CLIP2: variants seen among roughly 807,000 people sequenced by gnomAD.
CLIP2 encodes CAP-Gly domain containing linker protein 2, also known as CAP-Gly domain-containing linker protein 2.
CLIP2 carries 41 observed loss-of-function variants against 111.7 expected under a neutral mutation model. The ratio of observed to expected loss-of-function variants is 0.37; its 90% confidence interval spans 0.29 to 0.48. The LOEUF is 0.48. Ranked by LOEUF, CLIP2 falls within the 20% of genes least tolerant of loss-of-function variation. The pLI is 0.99. For synonymous variants in CLIP2, 660 were observed against 644.2 expected (o/e 1.02, Z -0.37); for missense variants, 1,160 against 1,422.1 (o/e 0.82, Z 2.96).
chr7:74,349,164 A>G (rs555343694), intron 3 of CLIP2, among the ~76,000 whole-genome samples: 6 of 141,130 alleles, frequency 4.3e-5, no homozygotes, highest in East Asian at 2.2e-4. Context: ...CGGGCATGGT[A>G]GCTTACGCCT....
At chr7:74,313,623 C>G (rs1319171588) in intron 1 of CLIP2, among the ~76,000 whole-genome samples, 1 of 152,032 alleles carries the variant, frequency 6.6e-6, no homozygotes, top group Non-Finnish European at 1.5e-5. Context: ...CTAGGCCCTC[C>G]TCGGGACTCA....
intron 2 of CLIP2, among the ~76,000 whole-genome samples, chr7:74,331,214 A>G (rs1650479915): frequency 6.7e-6 from 1 of 148,688 alleles, no homozygotes; most frequent in African/African-American, 2.5e-5. Flanking sequence ...TCAAAAAAAA[A>G]AAAAAAAAAA....
rs1308781583 is a variant in CLIP2 at position 74,338,249 on chromosome 7, C to G, written c.122-199C>G. Among the ~76,000 whole-genome samples the G allele has an allele frequency of 6.6e-6, 1 of 152,096 alleles. No homozygotes were observed. Among genetic ancestry groups the G allele is most frequent in the East Asian group, 1.9e-4 (1 of 5,172 alleles). On this transcript the variant is annotated intron_variant, in intron 2 of 16. Coordinates refer to ENST00000223398, the MANE Select transcript of CLIP2 (RefSeq NM_003388.5). This position sits in a 1 kb window ranked among gnomAD's most constrained non-coding sequence, Gnocchi z 4.3. ...GGGTGTGGTGCCTCACGCCTGTAAT[C>G]CCAGCAATTTGGGAAGCCAAGGCGG...
At chr7:74,308,607 C>T (rs976657073) in intron 1 of CLIP2, among the ~76,000 whole-genome samples, 1 of 151,974 alleles carries the variant, frequency 6.6e-6, no homozygotes, top group Admixed American at 6.6e-5. Context: ...CGGGTTCAAG[C>T]GATTCTCCTG....
At chr7:74,359,423 G>C (rs566066069) in intron 6 of CLIP2, among the ~76,000 whole-genome samples, 1 of 142,538 alleles carries the variant, frequency 7.0e-6, no homozygotes, top group Admixed American at 7.4e-5. Context: ...GTGTGATCTT[G>C]GCTCACTGCA....
chr7:74,304,795 A>G (rs1475378459), intron 1 of CLIP2, among the ~76,000 whole-genome samples: 5 of 151,866 alleles, frequency 3.3e-5, no homozygotes, highest in African/African-American at 1.2e-4. Context: ...CTTTACATAA[A>G]TTAGCCGGAT....
chr7:74,304,434 G>A (rs576388784), intron 1 of CLIP2, among the ~76,000 whole-genome samples: 2 of 151,944 alleles, frequency 1.3e-5, no homozygotes, highest in Non-Finnish European at 2.9e-5. Context: ...GCTGAGGCCG[G>A]AGAATGGTTT....
chr7:74,294,857 A>C (rs1054025084), intron 1 of CLIP2, among the ~76,000 whole-genome samples: 5 of 152,226 alleles, frequency 3.3e-5, no homozygotes, highest in African/African-American at 1.2e-4. Context: ...TTGGCTGGGC[A>C]ACGGCTGCAT....
At chr7:74,319,010 G>A (rs1156752181) in intron 2 of CLIP2, among the ~76,000 whole-genome samples, 1 of 152,200 alleles carries the variant, frequency 6.6e-6, no homozygotes, top group Non-Finnish European at 1.5e-5. Flanking sequence ...GCTGCAGGGT[G>A]AGGCCCGTCG....
chr7:74,290,322 G>A (rs1554725217), intron 1 of CLIP2, among the ~76,000 whole-genome samples: 1 of 152,252 alleles, frequency 6.6e-6, no homozygotes, highest in African/African-American at 2.4e-5. Context: ...AGGAGATTGA[G>A]GCGGGCGGCT....
chr7:74,365,257 C>T (rs1554310606), intron 8 of CLIP2, among the ~76,000 whole-genome samples: 1 of 152,000 alleles, frequency 6.6e-6, no homozygotes, highest in African/African-American at 2.4e-5. Flanking sequence ...GGAACAGAGA[C>T]CCCCCTGTGC....
In CLIP2 at chr7:74,376,170, A is replaced by G. The variant is rs1261396761; in HGVS notation, c.1769A>G (p.Gln590Arg). Residue 590 changes from glutamine to arginine, a missense_variant, in exon 10 of 17, where the codon CAG (glutamine) becomes CGG (arginine). Around this residue, in one of 5 missense-constraint regions of CLIP2, gnomAD observed 676 missense variants for 777.8 expected, o/e 0.87. Transcript: ENST00000223398. The surrounding 1 kb of genome is among the most constrained non-coding windows in gnomAD (Gnocchi z 7.1). ...CGCGCGGCCAACGAGAAGTACGCAC[A>G]GGAGGTGGCGGGCCTGAAGGACAAG... ...KLRAANEKYA[Q>R]EVAGLKDKVQ... 9 of 1,611,796 alleles carry G rather than the reference A, an allele frequency of 5.6e-6. No homozygotes were observed. Among genetic ancestry groups the G allele is most frequent in the Non-Finnish European group, 7.6e-6 (9 of 1,178,998 alleles).
intron 2 of CLIP2, among the ~76,000 whole-genome samples, chr7:74,325,757 G>A (rs963135825): frequency 1.3e-5 from 2 of 151,856 alleles, no homozygotes; most frequent in African/African-American, 4.8e-5. Flanking sequence ...GCTTGAACCC[G>A]GGAGGTTGAG....
At chr7:74,310,764 T>G (rs1167808422) in intron 1 of CLIP2, among the ~76,000 whole-genome samples, 1 of 151,706 alleles carries the variant, frequency 6.6e-6, no homozygotes, top group Non-Finnish European at 1.5e-5. Context: ...CAGGCTAGAG[T>G]GCAGTGGCAC....
At chr7:74,323,537 C>T (rs1330810715) in intron 2 of CLIP2, among the ~76,000 whole-genome samples, 1 of 151,778 alleles carries the variant, frequency 6.6e-6, no homozygotes, top group Non-Finnish European at 1.5e-5. Flanking sequence ...AAGCAATTCT[C>T]CTGCCTCAGC....
chr7:74,360,120 G>A, intron 6 of CLIP2, 55 bp from the exon 7 acceptor site: 1 of 1,448,000 alleles, frequency 6.9e-7, no homozygotes, highest in East Asian at 2.5e-5. Flanking sequence ...CCACCAACCT[G>A]GACCCCATAC....
chr7:74,307,373 C>T (rs1031434339), intron 1 of CLIP2, among the ~76,000 whole-genome samples: 9 of 152,194 alleles, frequency 5.9e-5, no homozygotes, highest in African/African-American at 2.2e-4. Context: ...ACTTTGAGTC[C>T]CCGAACTTCT....
chr7:74,377,250 A>G (rs1790818543), intron 10 of CLIP2, among the ~76,000 whole-genome samples: 1 of 152,174 alleles, frequency 6.6e-6, no homozygotes, highest in East Asian at 1.9e-4. Context: ...CCAACTTAGA[A>G]GCTCACCTGG....
chr7:74,297,221 C>T (rs1788195410), intron 1 of CLIP2, among the ~76,000 whole-genome samples: 1 of 152,178 alleles, frequency 6.6e-6, no homozygotes, highest in South Asian at 2.1e-4. Context: ...ACCTGTAATC[C>T]TAGCACTTTG....
Sources: gnomAD v4.1 joint callset for allele counts (sites outside exome capture counted in the v4.1 genomes callset) on GRCh38, gnomAD v4.1.1 for gene constraint, gnomAD v4.1.1 regional missense constraint, Gnocchi (gnomAD v3.1) non-coding constraint, MANE v1.5 for transcripts, NCBI Gene and HGNC (gene_info 2026-07-23, HGNC 2026-07-21) for gene names.